Variants in MCM8 observed in about 807,000 individuals in gnomAD.
MCM8 encodes the protein DNA helicase MCM8.
A neutral mutation model predicts 98.9 loss-of-function variants in MCM8; 85 were observed. That is an observed-to-expected ratio of 0.86 (90% CI 0.72 to 1.03). MCM8 has a LOEUF of 1.03. Ranked by LOEUF, MCM8 falls within the 50% of genes least tolerant of loss-of-function variation. The probability of loss-of-function intolerance (pLI) is 0.00; values close to 1 mark genes in which losing one functional copy is unlikely to be tolerated. For synonymous variants in MCM8, 352 were observed against 338.6 expected, an observed-to-expected ratio of 1.04 and a Z score of -0.44; for missense variants, 951 against 997.8, an observed-to-expected ratio of 0.95 and a Z score of 0.63.
chr20:5,978,216 GTCAT>G (rs1243436401), intron 13 of MCM8, among the ~76,000 whole-genome samples, 199 bp downstream of exon 13: 1 of 152,192 alleles, frequency 6.6e-6, no homozygotes, highest in Non-Finnish European at 1.5e-5. Context: ...TGTACTTAAT[GTCAT>G]TCATTTTCAG....
chr20:5,990,368 C>T (rs58582483), intron 17 of MCM8, among the ~76,000 whole-genome samples: 3,591 of 152,198 alleles, frequency 0.024, 130 homozygotes, highest in African/African-American at 0.077. Context: ...GGAGCCACCG[C>T]GCCTGACATC....
intron 10 of MCM8, among the ~76,000 whole-genome samples, 189 bp from the exon 11 acceptor site, chr20:5,971,818 T>A (rs1212805804): frequency 6.6e-6 from 1 of 152,230 alleles, no homozygotes; most frequent in Non-Finnish European, 1.5e-5. Flanking sequence ...TTTAAAAAAT[T>A]CTAACCTTTA....
chr20:5,986,012 T>A lies in MCM8; in HGVS notation c.2044T>A (p.Ser682Thr). 6.2e-7 allele frequency: 1 copy of A among 1,614,216 alleles called. No individual in the cohort carries two copies. Among genetic ancestry groups the A allele is most frequent in the Non-Finnish European group, 8.5e-7 (1 of 1,180,028 alleles). Residue 682 changes from serine (S) to threonine (T), a missense_variant, in exon 16 of 19, where the codon TCC becomes ACC. By Grantham distance (58) the Ser-to-Thr change is moderately conservative. Transcript: ENST00000610722. ...TCGGCAGTATGTGTACCCAAGGCTA[T>A]CCACAGAAGCTGCTCGAGTTCTTCA... ...YARQYVYPRL[S>T]TEAARVLQDF...
intron 8 of MCM8, among the ~76,000 whole-genome samples, chr20:5,963,830 C>T (rs1013015829): frequency 2.3e-4 from 35 of 152,316 alleles, no homozygotes; most frequent in African/African-American, 7.9e-4. Flanking sequence ...GCCACCGCTC[C>T]TAGCCTAATT....
At chr20:5,982,838 TG>T (rs1475433789) in intron 13 of MCM8, 131 bp from the exon 14 acceptor site, 1 of 733,886 alleles carries the variant, frequency 1.4e-6, no homozygotes, top group Admixed American at 3.2e-5. Context: ...AATTCTCCAT[TG>T]TATGACATTT....
chr20:5,967,533 C>T lies in MCM8; in HGVS notation c.973C>T (p.Pro325Ser). 3.1e-6 allele frequency: 5 copies of T among 1,613,548 alleles called. No homozygotes were observed. Among genetic ancestry groups the T allele is most frequent in the Non-Finnish European group, 4.2e-6 (5 of 1,179,620 alleles). ...TCATGATCTTGTGGATAGCTGTGTC[C>T]CGGGAGACACAGTGACTATTACTGG... Reference protein sequence around the residue: ...LVHDLVDSCVPGDTVTITGIV... With the variant: ...LVHDLVDSCVSGDTVTITGIV... Residue 325 changes from proline to serine, a missense_variant, in exon 9 of 19, where the codon CCG becomes TCG. Transcript: ENST00000610722.
intron 12 of MCM8, 118 bp from the exon 13 acceptor site, chr20:5,977,758 T>G: frequency 9.5e-7 from 1 of 1,057,040 alleles, no homozygotes; most frequent in Non-Finnish European, 1.4e-6. Flanking sequence ...TGGTGCACCT[T>G]GTACACTAAA....
rs759266561 is a variant in MCM8, at chr20:5,994,289, T to C, written c.2431-10T>C. 6.4e-7 allele frequency: 1 copy of C among 1,571,546 alleles called. No homozygotes were observed. On this transcript the variant is annotated splice_polypyrimidine_tract_variant and intron_variant, in intron 18 of 18. Transcript: ENST00000610722. ...CTTAATGGGCTAAACCTTTTGATGT[T>C]TTCTTCCAGGTTGCTGATTTTGAAA...
chr20:5,981,532 C>G (rs1011497167), intron 13 of MCM8, among the ~76,000 whole-genome samples: 3 of 151,870 alleles, frequency 2.0e-5, no homozygotes, highest in Non-Finnish European at 4.4e-5. Flanking sequence ...CATTACGTTA[C>G]CAAAAAGTGC....
At chr20:5,954,130 G>A (rs1005968303) in intron 3 of MCM8, among the ~76,000 whole-genome samples, 1 of 151,886 alleles carries the variant, frequency 6.6e-6, no homozygotes, top group Non-Finnish European at 1.5e-5. Flanking sequence ...ATTTGAAAAT[G>A]TAGAACTTTA....
intron 12 of MCM8, among the ~76,000 whole-genome samples, chr20:5,973,934 T>C (rs58575966): frequency 0.074 from 11,252 of 152,018 alleles, 521 homozygotes; most frequent in East Asian, 0.24. Context: ...GGATTACCGG[T>C]GTGAGCCACC....
Position 5,985,009 on chromosome 20 carries a change from GT to G in MCM8, c.1953+12del. The G allele has an allele frequency of 6.2e-7, 1 of 1,603,838 alleles. No individual in the cohort carries two copies. The highest frequency in any genetic ancestry group is 8.5e-7 in the Non-Finnish European group (1 of 1,171,238). On this transcript the variant is annotated intron_variant, in intron 15 of 18. Coordinates refer to ENST00000610722, the MANE Select transcript of MCM8 (RefSeq NM_032485.6). ...TATCAGAAAGACTAAAGGTATAAAT[GT>G]TTCTTCTCCTTATTCAGTTTGGTTC...
chr20:5,991,127 T>C (rs1244795827), intron 17 of MCM8: 1 of 152,254 alleles, frequency 6.6e-6, no homozygotes, highest in African/African-American at 2.4e-5. Flanking sequence ...CCTTAGACCA[T>C]AGACGTCACC....
At position 5,977,946 on chromosome 20, in the gene MCM8, T is replaced by C. The variant is rs2089548563; in HGVS notation, c.1466T>C (p.Val489Ala). ...GNTTTTSGLT[V>A]TLSKDSSSGD... is the part of the protein sequence containing the mutation. Reference sequence around the variant, plus strand: ...ACCACGACCACCTCTGGTCTGACGGTAACTCTTTCAAAAGATAGTTCCTCT... The same window carrying C: ...ACCACGACCACCTCTGGTCTGACGGCAACTCTTTCAAAAGATAGTTCCTCT... The change falls in exon 13 of 19, where the codon GTA becomes GCA. Residue 489 changes from valine to alanine, a missense_variant. Val to Ala is a moderately conservative substitution (Grantham distance 64). Transcript: ENST00000610722. 1.9e-6 allele frequency: 3 copies of C among 1,614,130 alleles called. No individual in the cohort carries two copies. The highest frequency in any genetic ancestry group is 2.5e-6 in the Non-Finnish European group (3 of 1,180,048).
intron 8 of MCM8, 149 bp downstream of exon 8, chr20:5,963,508 T>C: frequency 1.8e-6 from 1 of 559,042 alleles, no homozygotes; most frequent in Non-Finnish European, 3.1e-6. Context: ...ATGAAGAGTT[T>C]GTATGTTAAA....
At chr20:5,990,153 C>T (rs978997452) in intron 17 of MCM8, among the ~76,000 whole-genome samples, 1 of 152,004 alleles carries the variant, frequency 6.6e-6, no homozygotes, top group African/African-American at 2.4e-5. Context: ...CAGTTCACTG[C>T]AACCTCTGCC....
intron 12 of MCM8, among the ~76,000 whole-genome samples, chr20:5,976,169 A>G (rs1480425084): frequency 6.6e-6 from 1 of 152,172 alleles, no homozygotes; most frequent in Non-Finnish European, 1.5e-5. Context: ...GCATGTGCCT[A>G]TAGTCCCAGC....
intron 12 of MCM8, among the ~76,000 whole-genome samples, chr20:5,977,249 A>C (rs927884443): frequency 1.3e-5 from 2 of 152,218 alleles, no homozygotes; most frequent in African/African-American, 4.8e-5. Context: ...CCAGGTACCA[A>C]ATTAAATGCC....
intron 8 of MCM8, 122 bp downstream of exon 8, chr20:5,963,481 AATAGATGGTTTATTTGAT>A (rs1430910387): frequency 3.3e-6 from 2 of 610,208 alleles, no homozygotes; most frequent in Non-Finnish European, 5.7e-6. Flanking sequence ...AATAGTGTAT[AATAGATGGTTTATTTGAT>A]GAAGAGTTTG....
Sources: allele counts gnomAD v4.1 joint callset (sites outside exome capture counted in the v4.1 genomes callset), GRCh38; gene constraint gnomAD v4.1.1; transcripts MANE v1.5; gene names NCBI Gene and HGNC (gene_info 2026-07-23, HGNC 2026-07-21).